TEX36: variants seen among roughly 807,000 people sequenced by gnomAD.
The protein encoded by TEX36 is testis expressed 36, also known as testis-expressed protein 36.
Under a neutral mutation model 13.6 loss-of-function variants are expected in TEX36, and 12 were observed. That is an observed-to-expected ratio of 0.88 (90% CI 0.56 to 1.43). TEX36 has a LOEUF of 1.43. Ranked by LOEUF, TEX36 falls within the 40% of genes most tolerant of loss-of-function variation. The probability of loss-of-function intolerance (pLI) is 0.00; values close to 1 mark genes in which losing one functional copy is unlikely to be tolerated. For missense variants in TEX36, 224 were observed against 228.3 expected (o/e 0.98, Z 0.12); for synonymous variants, 93 against 83.0 (o/e 1.12, Z -0.65).
chr10:125,635,807 A>G (rs1846616950), intron 3 of TEX36, among the ~76,000 whole-genome samples: 1 of 152,036 alleles, frequency 6.6e-6, no homozygotes, highest in Admixed American at 6.5e-5. Flanking sequence ...CCCAGACTGG[A>G]ACCCAGCCAT....
chr10:125,627,697 G>C (rs1164354424), intron 3 of TEX36, among the ~76,000 whole-genome samples: 1 of 152,188 alleles, frequency 6.6e-6, no homozygotes, highest in African/African-American at 2.4e-5. Context: ...AATAAATAAT[G>C]CCATCGCATT....
At chr10:125,649,408 A>G (rs1846819448) in intron 3 of TEX36, among the ~76,000 whole-genome samples, 3 of 152,244 alleles carry the variant, frequency 2.0e-5, no homozygotes, top group South Asian at 2.1e-4. Flanking sequence ...ACTAAGCTTC[A>G]TAAGTGAAGG....
At position 125,607,047 on chromosome 10, in the gene TEX36, G is replaced by A. The variant is rs1054834308; in HGVS notation, c.265-30173C>T. Among the ~76,000 whole-genome samples, 96 of 152,176 alleles carry A rather than the reference G, an allele frequency of 6.3e-4. 5 individuals carry two copies. Among genetic ancestry groups the A allele is most frequent in the Non-Finnish European group, 2.9e-5 (2 of 68,030 alleles). On this transcript the variant is annotated intron_variant, in intron 3 of 3. Transcript: ENST00000532135. ...AGGATGCCTTCATTCACATGCAAAT[G>A]CTTACAGAAAGCTGGAAAATAGTCT...
At chr10:125,661,652 T>G (rs900058287) in intron 2 of TEX36, among the ~76,000 whole-genome samples, 194 bp downstream of exon 2, 1 of 152,218 alleles carries the variant, frequency 6.6e-6, no homozygotes, top group African/African-American at 2.4e-5. Context: ...CTAACTTGAT[T>G]GTCCATAGCA....
chr10:125,595,065 C>T (rs1846064176), intron 3 of TEX36, among the ~76,000 whole-genome samples: 1 of 152,194 alleles, frequency 6.6e-6, no homozygotes, highest in Admixed American at 6.5e-5. Flanking sequence ...TGATGTAAAA[C>T]AGTGTTCTTT....
chr10:125,601,270 T>C (rs917312977), intron 3 of TEX36, among the ~76,000 whole-genome samples: 1 of 152,254 alleles, frequency 6.6e-6, no homozygotes, highest in Admixed American at 6.5e-5. Flanking sequence ...AAGACACGTA[T>C]AGTATTAAAG....
chr10:125,644,412 C>T (rs549248131), intron 3 of TEX36, among the ~76,000 whole-genome samples: 98 of 151,946 alleles, frequency 6.4e-4, no homozygotes, highest in Middle Eastern at 3.4e-3. Context: ...AATTCTATAG[C>T]TAAAAGAAAA....
intron 3 of TEX36, among the ~76,000 whole-genome samples, chr10:125,593,329 A>G (rs1846045055): frequency 6.6e-6 from 1 of 152,224 alleles, no homozygotes; most frequent in East Asian, 1.9e-4. Context: ...ATTCAGGAGG[A>G]AAGAAATCAT....
At chr10:125,603,052 G>A (rs1016962041) in intron 3 of TEX36, among the ~76,000 whole-genome samples, 5 of 152,184 alleles carry the variant, frequency 3.3e-5, no homozygotes, top group South Asian at 2.1e-4. Context: ...AGGTGAACAC[G>A]GCTCCCAAGG....
intron 3 of TEX36, among the ~76,000 whole-genome samples, chr10:125,606,947 G>A (rs536748669): frequency 1.4e-4 from 21 of 152,268 alleles, no homozygotes; most frequent in African/African-American, 4.8e-4. Flanking sequence ...CCTTGACAAC[G>A]TACACATAAA....
chr10:125,582,769 A>G (rs1312814386), intron 3 of TEX36, among the ~76,000 whole-genome samples: 1 of 152,198 alleles, frequency 6.6e-6, no homozygotes, highest in Admixed American at 6.5e-5. Context: ...TTGCTAGGAG[A>G]TAAATTGGTT....
chr10:125,673,480 G>A lies in TEX36; in HGVS notation c.51+9459C>T, dbSNP rs963475120. On this transcript the variant is annotated intron_variant, in intron 1 of 3. Transcript: ENST00000368821. ...AATCCCAGCACTTTGGAAGGCCAAG[G>A]TGTGCTGATCACTTGAGGTCAGGAG... is the stretch of plus-strand genomic sequence containing the variant. Among the ~76,000 whole-genome samples, 6 of 152,146 alleles carry A rather than the reference G, an allele frequency of 3.9e-5. No individual in the cohort carries two copies. The South Asian group carries it at 1.0e-3, about 26-fold the overall frequency.
At chr10:125,613,759 A>G (rs1291518486) in intron 3 of TEX36, among the ~76,000 whole-genome samples, 1 of 152,050 alleles carries the variant, frequency 6.6e-6, no homozygotes, top group African/African-American at 2.4e-5. Flanking sequence ...ATGTGTCTTT[A>G]TAGCAGCATG....
intron 3 of TEX36, among the ~76,000 whole-genome samples, chr10:125,658,420 C>CA (rs1040913862): frequency 4.6e-5 from 7 of 150,660 alleles, no homozygotes; most frequent in Admixed American, 2.0e-4. Flanking sequence ...CTATATCAGG[C>CA]AAAAAAAACT....
rs1846938446 is a variant in TEX36 at position 125,656,174 on chromosome 10, G to C, written c.287C>G (p.Ser96Cys). The C allele has an allele frequency of 1.3e-6, 2 of 1,514,722 alleles. No homozygotes were observed. Among genetic ancestry groups the C allele is most frequent in the African/African-American group, 2.8e-5 (2 of 71,688 alleles). 93.8% of individuals were successfully genotyped at this position (1,514,722 alleles called of 1,614,324 possible). A position where few individuals can be genotyped will look rare whatever the true frequency, so the allele number is the denominator to read the frequency against. ...LDSGLGRKKI[S>C]PDKRQHVSRN... ...TGAAACATGTTGCCTCTTATCTGGA[G>C]AGATCTTCTTACGTCCCAGGCCCTG... The change falls in exon 4 of 4, where the codon TCT becomes TGT. Residue 96 changes from serine to cysteine, a missense_variant. Ser to Cys is a moderately radical substitution (Grantham distance 112, BLOSUM62 -1). Transcript: ENST00000368821.
intron 3 of TEX36, among the ~76,000 whole-genome samples, chr10:125,588,031 G>A (rs1170084706): frequency 6.6e-6 from 1 of 152,096 alleles, no homozygotes; most frequent in East Asian, 1.9e-4. Context: ...TTGCACTGGT[G>A]ACTGGCATTT....
intron 3 of TEX36, among the ~76,000 whole-genome samples, chr10:125,579,147 G>A (rs867821064): frequency 1.3e-5 from 2 of 152,234 alleles, no homozygotes; most frequent in African/African-American, 4.8e-5. Flanking sequence ...TTCTTGGAAA[G>A]AAGCTTGCCG....
In TEX36 at chr10:125,597,735, G is replaced by C. The variant is rs74162831; in HGVS notation, c.265-20861C>G. On this transcript the variant is annotated intron_variant, in intron 3 of 3. Coordinates refer to the TEX36 transcript ENST00000532135. ...AGGCCCCACAGGAAGAAATTTAGAA[G>C]AAAGAATGGCAGTCAGGGTTTAGTC... 7.7e-3 allele frequency among the ~76,000 whole-genome samples: 1,168 copies of C among 152,276 alleles called. 16 individuals carry two copies. Among genetic ancestry groups the C allele is most frequent in the African/African-American group, 0.027 (1,130 of 41,556 alleles).
At chr10:125,576,621 T>C (rs1451157936) in exon 4 of TEX36, 1 of 1,270,292 alleles carries the variant, frequency 7.9e-7, no homozygotes, top group African/African-American at 1.5e-5. Context: ...TTTCCAAGAA[T>C]GCTGAATAAA....
Sources: allele counts gnomAD v4.1 joint callset (sites outside exome capture counted in the v4.1 genomes callset), GRCh38; gene constraint gnomAD v4.1.1; transcripts MANE v1.5; gene names NCBI Gene and HGNC (gene_info 2026-07-23, HGNC 2026-07-21).